SGCZ: variants seen among roughly 807,000 people sequenced by gnomAD.
SGCZ encodes sarcoglycan zeta, also known as zeta-sarcoglycan.
A neutral mutation model predicts 41.3 loss-of-function variants in SGCZ; 40 were observed. The ratio of observed to expected loss-of-function variants is 0.97; its 90% CI spans 0.75 to 1.26. SGCZ has a LOEUF of 1.26. Among genes scored for constraint, SGCZ ranks in the 50% most tolerant of loss-of-function variants. The pLI, the probability that SGCZ is intolerant of heterozygous loss-of-function variation, is 0.00. For missense variants in SGCZ, 552 were observed against 369.8 expected (o/e 1.49, Z -4.04); for synonymous variants, 206 against 137.5 (o/e 1.50, Z -3.49).
chr8:14,631,331 T>C (rs946877512), intron 1 of SGCZ, among the ~76,000 whole-genome samples: 1 of 152,046 alleles, frequency 6.6e-6, no homozygotes, highest in Non-Finnish European at 1.5e-5. Context: ...CTCTATCAAA[T>C]AGAGTAATTA....
At chr8:14,242,102 TACAA>T in intron 3 of SGCZ, among the ~76,000 whole-genome samples, 1 of 152,254 alleles carries the variant, frequency 6.6e-6, no homozygotes, top group East Asian at 1.9e-4. Context: ...TTAACAATCA[TACAA>T]ACAGAGAATA....
intron 1 of SGCZ, among the ~76,000 whole-genome samples, chr8:15,033,804 A>G (rs1023481293): frequency 2.0e-5 from 3 of 152,102 alleles, no homozygotes; most frequent in Non-Finnish European, 4.4e-5. Context: ...GCCCATCTGT[A>G]CCAACCCAAT....
At chr8:14,695,993 T>G (rs769313911) in intron 1 of SGCZ, among the ~76,000 whole-genome samples, 2 of 152,168 alleles carry the variant, frequency 1.3e-5, no homozygotes, top group African/African-American at 2.4e-5. Flanking sequence ...AGTGAAATTT[T>G]ATAAGATATT....
At chr8:15,194,490 G>A (rs1237060202) in intron 1 of SGCZ, among the ~76,000 whole-genome samples, 1 of 152,098 alleles carries the variant, frequency 6.6e-6, no homozygotes, top group Non-Finnish European at 1.5e-5. Context: ...CCTTGCAAAA[G>A]GGACTTTGCA....
intron 1 of SGCZ, among the ~76,000 whole-genome samples, chr8:14,640,249 G>A (rs1176354659): frequency 6.6e-6 from 1 of 151,674 alleles, no homozygotes; most frequent in Non-Finnish European, 1.5e-5. Flanking sequence ...TCCTTCAGAA[G>A]TTCCTTTTCT....
intron 1 of SGCZ, among the ~76,000 whole-genome samples, chr8:15,028,694 G>T (rs1257604111): frequency 6.6e-6 from 1 of 152,076 alleles, no homozygotes; most frequent in Non-Finnish European, 1.5e-5. Context: ...TGATCTCACA[G>T]ATGACTCTTA....
chr8:14,558,586 G>GAGAGAC (rs886982616), intron 1 of SGCZ, among the ~76,000 whole-genome samples: 4 of 144,132 alleles, frequency 2.8e-5, no homozygotes, highest in Admixed American at 7.1e-5. Flanking sequence ...GAGAGAGAGA[G>GAGAGAC]AGAGAGAGAG....
chr8:14,179,338 A>T (rs1804647774), intron 4 of SGCZ, among the ~76,000 whole-genome samples: 1 of 152,218 alleles, frequency 6.6e-6, no homozygotes, highest in African/African-American at 2.4e-5. Flanking sequence ...GCTGGAAAGC[A>T]TCCACACTGT....
chr8:14,558,927 C>T (rs1339062241), intron 1 of SGCZ, among the ~76,000 whole-genome samples: 3 of 151,984 alleles, frequency 2.0e-5, no homozygotes, highest in Admixed American at 1.3e-4. Flanking sequence ...ACAAAATTAG[C>T]ATCCCTTTAT....
intron 1 of SGCZ, among the ~76,000 whole-genome samples, chr8:14,944,547 A>T (rs1403921997): frequency 6.6e-6 from 1 of 152,222 alleles, no homozygotes; most frequent in East Asian, 1.9e-4. Context: ...GTAGTTAAAA[A>T]TGTAAATAAA....
chr8:14,583,565 C>T (rs1404019589), intron 1 of SGCZ, among the ~76,000 whole-genome samples: 1 of 152,068 alleles, frequency 6.6e-6, no homozygotes, highest in Non-Finnish European at 1.5e-5. Flanking sequence ...ATGTTTTAGA[C>T]ATGAAGTCCT....
chr8:14,128,328 G>C (rs1802928569), intron 5 of SGCZ, among the ~76,000 whole-genome samples: 1 of 152,126 alleles, frequency 6.6e-6, no homozygotes, highest in Non-Finnish European at 1.5e-5. Flanking sequence ...GATTATCAGA[G>C]AAATGCAAAT....
chr8:14,261,672 T>C (rs1799673320), intron 3 of SGCZ, among the ~76,000 whole-genome samples: 1 of 152,162 alleles, frequency 6.6e-6, no homozygotes, highest in South Asian at 2.1e-4. Context: ...ACGTTGATCA[T>C]ACCAACCAAG....
At chr8:14,302,936 C>G (rs1353000041) in intron 3 of SGCZ, among the ~76,000 whole-genome samples, 1 of 152,094 alleles carries the variant, frequency 6.6e-6, no homozygotes, top group African/African-American at 2.4e-5. Context: ...AACATGACCC[C>G]AAACTTTCTT....
At chr8:14,136,027 C>T (rs371978691) in intron 5 of SGCZ, among the ~76,000 whole-genome samples, 7 of 152,104 alleles carry the variant, frequency 4.6e-5, no homozygotes, top group South Asian at 4.2e-4. Context: ...AGTATAAAGC[C>T]GAAAAACTAT....
rs141507739 is a variant in SGCZ at position 15,035,286 on chromosome 8, G to A, written c.39+202299C>T. 2.6e-3 allele frequency among the ~76,000 whole-genome samples: 402 copies of A among 152,160 alleles called. 1 individual carries two copies. The highest frequency in any genetic ancestry group is 9.2e-3 in the African/African-American group (384 of 41,536). On this transcript the variant is annotated intron_variant, in intron 1 of 7. Transcript: ENST00000382080. Reference sequence around the variant, plus strand: ...TGTTATCAGCTTAAACTAGCCTGTTGTAACTATAAAATGCTTTATATAAGC... The same window carrying A: ...TGTTATCAGCTTAAACTAGCCTGTTATAACTATAAAATGCTTTATATAAGC...
At chr8:14,747,660 C>CATTATTAGT (rs1554492351) in intron 1 of SGCZ, among the ~76,000 whole-genome samples, 1 of 139,500 alleles carries the variant, frequency 7.2e-6, no homozygotes, top group East Asian at 2.1e-4. Flanking sequence ...GGGTACAAGG[C>CATTATTAGT]ATTATTATTA....
intron 3 of SGCZ, among the ~76,000 whole-genome samples, chr8:14,255,067 A>T (rs748681804): frequency 8.5e-5 from 13 of 152,082 alleles, no homozygotes; most frequent in Non-Finnish European, 1.8e-4. Flanking sequence ...TATGTATCTC[A>T]GTATTAGTTC....
chr8:14,916,896 T>A (rs1016114782), intron 1 of SGCZ, among the ~76,000 whole-genome samples: 3 of 152,194 alleles, frequency 2.0e-5, no homozygotes, highest in Non-Finnish European at 4.4e-5. Flanking sequence ...TTTATGAATT[T>A]TTTTTGTATT....
Sources: allele counts gnomAD v4.1 joint callset (sites outside exome capture counted in the v4.1 genomes callset), GRCh38; gene constraint gnomAD v4.1.1; transcripts MANE v1.5; gene names NCBI Gene and HGNC (gene_info 2026-07-23, HGNC 2026-07-21).